The following AK5 variants were observed in gnomAD, a reference collection of about 807,000 sequenced individuals.
The protein encoded by AK5 is adenylate kinase isoenzyme 5.
AK5 carries 27 observed loss-of-function variants against 69.5 expected under a neutral mutation model. The observed-to-expected ratio is 0.39, with a 90% CI of 0.29 to 0.54. The LOEUF is 0.54. Ranked by LOEUF, AK5 falls within the 20% of genes least tolerant of loss-of-function variation. AK5 has a pLI of 0.71. For synonymous variants in AK5, 260 were observed against 244.4 expected (o/e 1.06, Z -0.60); for missense variants, 531 against 700.4 (o/e 0.76, Z 2.73).
chr1:77,493,848 A>G (rs1282111803), intron 10 of AK5, among the ~76,000 whole-genome samples: 1 of 152,226 alleles, frequency 6.6e-6, no homozygotes, highest in Non-Finnish European at 1.5e-5. Flanking sequence ...AATGTTGGAG[A>G]AATGTGGGCA....
intron 12 of AK5, among the ~76,000 whole-genome samples, chr1:77,533,588 C>G (rs958209545): frequency 1.3e-5 from 2 of 148,858 alleles, no homozygotes; most frequent in African/African-American, 5.0e-5. Flanking sequence ...ATATTTCTAA[C>G]AAGCTTCCAA....
chr1:77,381,912 T>C (rs1435306490), intron 6 of AK5, among the ~76,000 whole-genome samples: 1 of 152,152 alleles, frequency 6.6e-6, no homozygotes, highest in Non-Finnish European at 1.5e-5. Flanking sequence ...AAGTAGTAGA[T>C]TAATGAGAAA....
intron 6 of AK5, among the ~76,000 whole-genome samples, chr1:77,366,039 G>A (rs937784217): frequency 5.9e-5 from 9 of 151,884 alleles, no homozygotes; most frequent in Admixed American, 3.3e-4. Flanking sequence ...CCTGTTCCCC[G>A]AAAACCTATT....
At chr1:77,355,835 T>C (rs1199293649) in intron 6 of AK5, among the ~76,000 whole-genome samples, 1 of 151,210 alleles carries the variant, frequency 6.6e-6, no homozygotes, top group Non-Finnish European at 1.5e-5. Flanking sequence ...TAGACATTAC[T>C]GGACTGTGAA....
At chr1:77,427,074 AG>A (rs1651259921) in intron 8 of AK5, among the ~76,000 whole-genome samples, 1 of 151,998 alleles carries the variant, frequency 6.6e-6, no homozygotes, top group African/African-American at 2.4e-5. Context: ...AACTAATAAA[AG>A]CCTCCACTGT....
intron 8 of AK5, among the ~76,000 whole-genome samples, chr1:77,472,736 TA>T (rs957205209): frequency 9.6e-5 from 14 of 146,190 alleles, no homozygotes; most frequent in African/African-American, 3.7e-4. Flanking sequence ...TGAATTTTTT[TA>T]AAAAAGACTG....
rs201607684 is a variant in AK5 at position 77,391,380 on chromosome 1, C to CAAA, written c.892-19592_892-19590dup. Among the ~76,000 whole-genome samples, 88 of 116,422 alleles carry CAAA rather than the reference C, an allele frequency of 7.6e-4. 1 individual carries two copies. Among genetic ancestry groups the CAAA allele is most frequent in the African/African-American group, 2.5e-3 (72 of 28,402 alleles). 76.4% of individuals were successfully genotyped at this position (116,422 alleles called of 152,430 possible). A position where few individuals can be genotyped will look rare whatever the true frequency, so the allele number is the denominator to read the frequency against. On this transcript the variant is annotated intron_variant, in intron 6 of 13. Coordinates refer to ENST00000354567, the MANE Select transcript of AK5 (RefSeq NM_174858.3). ...TATTTGTCTGTCTCAGTACTTTATG[C>CAAA]AAAAAAAAAAATATATATATATATA...
At chr1:77,468,901 C>T (rs1276517578) in intron 8 of AK5, among the ~76,000 whole-genome samples, 2 of 152,198 alleles carry the variant, frequency 1.3e-5, no homozygotes, top group Non-Finnish European at 2.9e-5. Flanking sequence ...CCAGGAGGCA[C>T]AGAGCTAGGC....
At chr1:77,294,607 TAATAG>T (rs1658880183) in intron 3 of AK5, among the ~76,000 whole-genome samples, 1 of 152,056 alleles carries the variant, frequency 6.6e-6, no homozygotes, top group East Asian at 1.9e-4. Context: ...CAAACAAATC[TAATAG>T]AATAGTGTTT....
chr1:77,345,834 C>T (rs926513050), intron 6 of AK5, among the ~76,000 whole-genome samples: 8 of 152,178 alleles, frequency 5.3e-5, no homozygotes, highest in African/African-American at 9.7e-5. Flanking sequence ...CCTTGAATAA[C>T]GCAAGGATTG....
chr1:77,370,980 T>G (rs933241379), intron 6 of AK5, among the ~76,000 whole-genome samples: 1 of 152,252 alleles, frequency 6.6e-6, no homozygotes, highest in African/African-American at 2.4e-5. Context: ...TTACCAGTTA[T>G]GCTTTCTTCT....
rs1010739049 is a variant in AK5 at position 77,324,341 on chromosome 1, G to C, written c.700-16036G>C. On this transcript the variant is annotated intron_variant, in intron 5 of 13. Coordinates refer to ENST00000354567, the MANE Select transcript of AK5 (RefSeq NM_174858.3). ...TGCGTGTGTGTGTGTGTGTGTGTGT[G>C]TGTGTGTGTGTGTCTTACTCATGGC... Among the ~76,000 whole-genome samples the C allele has an allele frequency of 8.6e-5, 13 of 151,526 alleles. 1 individual carries two copies. The highest frequency in any genetic ancestry group is 3.2e-4 in the African/African-American group (13 of 41,028).
intron 5 of AK5, among the ~76,000 whole-genome samples, chr1:77,316,368 C>T (rs545438357): frequency 1.3e-5 from 2 of 151,814 alleles, no homozygotes; most frequent in East Asian, 3.9e-4. Context: ...CCTCTAGGAT[C>T]TGTAATTTAG....
chr1:77,350,254 CTG>C (rs1662123926), intron 6 of AK5, among the ~76,000 whole-genome samples: 1 of 152,182 alleles, frequency 6.6e-6, no homozygotes, highest in South Asian at 2.1e-4. Flanking sequence ...TGACTTCTTC[CTG>C]GAAAGATTAG....
chr1:77,393,380 A>C (rs559832084), intron 6 of AK5, among the ~76,000 whole-genome samples: 6 of 152,304 alleles, frequency 3.9e-5, no homozygotes, highest in African/African-American at 1.4e-4. Context: ...AAAAGCGATT[A>C]TGGAAATGTG....
chr1:77,504,649 A>G (rs1287492778), intron 10 of AK5, among the ~76,000 whole-genome samples: 1 of 152,182 alleles, frequency 6.6e-6, no homozygotes, highest in Non-Finnish European at 1.5e-5. Flanking sequence ...AAATTTCACT[A>G]ATTGGACGCA....
chr1:77,331,622 A>G (rs572058841), intron 5 of AK5, among the ~76,000 whole-genome samples: 1 of 152,236 alleles, frequency 6.6e-6, no homozygotes, highest in African/African-American at 2.4e-5. Context: ...TTCATTTGCT[A>G]TATTATTAGA....
intron 6 of AK5, among the ~76,000 whole-genome samples, chr1:77,345,886 T>G (rs1260117474): frequency 1.3e-5 from 2 of 152,210 alleles, no homozygotes; most frequent in Non-Finnish European, 1.5e-5. Context: ...TGTATAACTT[T>G]GAGTCCCCCC....
chr1:77,282,799 G>A (rs1658135413), intron 1 of AK5: 15 of 994,432 alleles, frequency 1.5e-5, no homozygotes, highest in Non-Finnish European at 1.8e-5. Flanking sequence ...GCTGGTCGAG[G>A]GTCGGAACCC....
Sources: gnomAD v4.1 joint callset for allele counts (sites outside exome capture counted in the v4.1 genomes callset) on GRCh38, gnomAD v4.1.1 for gene constraint, MANE v1.5 for transcripts, NCBI Gene and HGNC (gene_info 2026-07-23, HGNC 2026-07-21) for gene names.